LUC7L2: variants seen among roughly 807,000 people sequenced by gnomAD.
The protein encoded by LUC7L2 is LUC7 like 2, pre-mRNA splicing factor.
In LUC7L2, 25 loss-of-function variants were observed where a neutral mutation model predicts 52.8. That is an observed-to-expected ratio of 0.47 (90% confidence interval 0.34 to 0.66). The LOEUF (loss-of-function observed/expected upper bound fraction) is 0.66. Among genes scored for constraint, LUC7L2 ranks in the 30% least tolerant of loss-of-function variants. The probability of loss-of-function intolerance (pLI) is 0.01; values close to 1 mark genes in which losing one functional copy is unlikely to be tolerated. For missense variants in LUC7L2, 328 were observed against 497.8 expected (o/e 0.66, Z 3.25); for synonymous variants, 144 against 160.9 (o/e 0.89, Z 0.80).
upstream of LUC7L2, among the ~76,000 whole-genome samples, chr7:139,358,879 C>T (rs536712932): frequency 2.6e-3 from 402 of 152,264 alleles, 3 homozygotes; most frequent in South Asian, 8.7e-3. Flanking sequence ...CAGGGTTTCA[C>T]CATGTTGGCC....
At chr7:139,348,076 G>T (rs1280193663) in intron 1 of LUC7L2, among the ~76,000 whole-genome samples, 2 of 152,130 alleles carry the variant, frequency 1.3e-5, no homozygotes, top group Non-Finnish European at 2.9e-5. Flanking sequence ...ACTTTGGTAA[G>T]AGTGAAGAAA....
At chr7:139,346,932 G>A (rs773289088) in intron 1 of LUC7L2, among the ~76,000 whole-genome samples, 1 of 151,744 alleles carries the variant, frequency 6.6e-6, no homozygotes, top group Non-Finnish European at 1.5e-5. Flanking sequence ...TTCTGCAGTA[G>A]CTCTAATAAC....
intron 5 of LUC7L2, 87 bp downstream of exon 5, chr7:139,405,874 C>G (rs1388133594): frequency 7.0e-7 from 1 of 1,437,850 alleles, no homozygotes; most frequent in East Asian, 2.6e-5. Context: ...AGTATCTATA[C>G]TTCTCTAAGA....
At chr7:139,382,687 C>G (rs1334716674) in intron 2 of LUC7L2, among the ~76,000 whole-genome samples, 2 of 152,118 alleles carry the variant, frequency 1.3e-5, no homozygotes, top group Non-Finnish European at 2.9e-5. Flanking sequence ...GGCACCATGC[C>G]CAACCTAAAG....
At chr7:139,376,274 A>T in intron 2 of LUC7L2, 118 bp downstream of exon 2, 2 of 1,018,330 alleles carry the variant, frequency 2.0e-6, no homozygotes. Flanking sequence ...TGCATCCTTT[A>T]TTGTTTGTTT....
chr7:139,350,980 C>G (rs1454294389), intron 1 of LUC7L2, among the ~76,000 whole-genome samples: 3 of 151,972 alleles, frequency 2.0e-5, no homozygotes, highest in African/African-American at 7.2e-5. Flanking sequence ...GGCCCACATT[C>G]TTCTGTTTTT....
chr7:139,386,447 C>T (rs558709222), intron 2 of LUC7L2, among the ~76,000 whole-genome samples: 34 of 145,086 alleles, frequency 2.3e-4, no homozygotes, highest in African/African-American at 8.6e-4. Flanking sequence ...CTCTGTCGTC[C>T]AGGCTGGAGT....
intron 1 of LUC7L2, among the ~76,000 whole-genome samples, chr7:139,364,278 A>G (rs575415820): frequency 6.6e-6 from 1 of 152,262 alleles, no homozygotes; most frequent in East Asian, 1.9e-4. Flanking sequence ...GGTAAGTTAT[A>G]GAAGGTAGTT....
chr7:139,358,054 C>T (rs1406300471), upstream of LUC7L2, among the ~76,000 whole-genome samples: 1 of 151,948 alleles, frequency 6.6e-6, no homozygotes, highest in African/African-American at 2.4e-5. Flanking sequence ...TGTACCCAGC[C>T]TGGAGTGCAG....
At position 139,389,992 on chromosome 7, in the gene LUC7L2, C is replaced by T. The variant is rs367953459; in HGVS notation, c.157-8607C>T. On this transcript the variant is annotated intron_variant, in intron 2 of 9. Transcript: ENST00000354926. ...CAGCCTGGACAACATAGCAAGATCCCATCTCAAAAAAAAATTAACTTGGTG... is the reference window on the plus strand; with the variant it reads ...CAGCCTGGACAACATAGCAAGATCCTATCTCAAAAAAAAATTAACTTGGTG... 3.3e-5 allele frequency among the ~76,000 whole-genome samples: 5 copies of T among 152,038 alleles called. No individual in the cohort carries two copies. In the South Asian group the frequency reaches 1.0e-3, roughly 32 times the overall value.
chr7:139,420,027 T>G (rs1001737440), intron 9 of LUC7L2, among the ~76,000 whole-genome samples: 15 of 150,860 alleles, frequency 9.9e-5, no homozygotes, highest in African/African-American at 3.5e-4. Context: ...CTGTTCTCCT[T>G]TCCCTACTGT....
upstream of LUC7L2, among the ~76,000 whole-genome samples, chr7:139,358,369 C>G (rs1799686394): frequency 6.6e-6 from 1 of 152,198 alleles, no homozygotes; most frequent in East Asian, 1.9e-4. Context: ...TATTGATCTG[C>G]TAATAACAGT....
At chr7:139,384,003 G>T (rs1794082347) in intron 2 of LUC7L2, among the ~76,000 whole-genome samples, 1 of 151,080 alleles carries the variant, frequency 6.6e-6, no homozygotes, top group South Asian at 2.1e-4. Context: ...ACCCACCTTG[G>T]CGCCTCCCAA....
intron 1 of LUC7L2, among the ~76,000 whole-genome samples, chr7:139,367,521 A>C (rs1177195543): frequency 6.6e-6 from 1 of 152,174 alleles, no homozygotes; most frequent in Non-Finnish European, 1.5e-5. Flanking sequence ...TCTTGACTTA[A>C]TTGTGATTAA....
chr7:139,383,659 G>A (rs924486735), intron 2 of LUC7L2, among the ~76,000 whole-genome samples: 1 of 150,962 alleles, frequency 6.6e-6, no homozygotes, highest in Non-Finnish European at 1.5e-5. Context: ...CAGGTGATCC[G>A]CCCACCTCGG....
At chr7:139,366,699 A>G (rs1268031256) in intron 1 of LUC7L2, among the ~76,000 whole-genome samples, 1 of 152,256 alleles carries the variant, frequency 6.6e-6, no homozygotes, top group African/African-American at 2.4e-5. Flanking sequence ...ATTTGACTCT[A>G]ACAAAAGCTT....
intron 1 of LUC7L2, among the ~76,000 whole-genome samples, chr7:139,372,923 C>T (rs1247957093): frequency 6.6e-6 from 1 of 152,122 alleles, no homozygotes; most frequent in Non-Finnish European, 1.5e-5. Context: ...AGGTTTGATT[C>T]TGTGATTTGG....
At chr7:139,378,789 G>C (rs935721900) in intron 2 of LUC7L2, among the ~76,000 whole-genome samples, 2 of 152,112 alleles carry the variant, frequency 1.3e-5, no homozygotes, top group African/African-American at 4.8e-5. Context: ...AAGTTTTTCA[G>C]GTCCTTAAGG....
At chr7:139,404,432 C>G (rs1795036566) in intron 4 of LUC7L2, among the ~76,000 whole-genome samples, 1 of 152,088 alleles carries the variant, frequency 6.6e-6, no homozygotes, top group Admixed American at 6.6e-5. Flanking sequence ...TTGCTTGAAC[C>G]CAGGAGGCAG....
Sources: allele counts gnomAD v4.1 joint callset (sites outside exome capture counted in the v4.1 genomes callset), GRCh38; gene constraint gnomAD v4.1.1; transcripts MANE v1.5; gene names NCBI Gene and HGNC (gene_info 2026-07-23, HGNC 2026-07-21).